The following UNC13B variants were observed in gnomAD, a reference collection of about 807,000 sequenced individuals.
UNC13B encodes the protein protein unc-13 homolog B.
A neutral mutation model predicts 211.0 loss-of-function variants in UNC13B; 144 were observed. The observed-to-expected ratio is 0.68, with a 90% CI of 0.60 to 0.78. The LOEUF (loss-of-function observed/expected upper bound fraction) is 0.78, where lower values mean the gene tolerates loss of function less well. Among genes scored for constraint, UNC13B ranks in the 30% least tolerant of loss-of-function variants. The pLI is 0.00. For synonymous variants in UNC13B, 709 were observed against 725.8 expected, an observed-to-expected ratio of 0.98 and a Z score of 0.37; for missense variants, 1,777 against 2,002.0, an observed-to-expected ratio of 0.89 and a Z score of 2.14.
At chr9:35,365,655 C>T (rs144194506) in intron 11 of UNC13B, among the ~76,000 whole-genome samples, 1 of 152,140 alleles carries the variant, frequency 6.6e-6, no homozygotes, top group Non-Finnish European at 1.5e-5. Flanking sequence ...TTCCCACCTA[C>T]TGTTGTTTCT....
Position 35,386,213 on chromosome 9 carries a change from T to A in UNC13B, c.11014T>A (p.Cys3672Ser), listed in dbSNP as rs940141192. Residue 3672 changes from cysteine (C) to serine (S), a missense_variant, in exon 24 of 40, where the codon TGT (cysteine) becomes AGT (serine). By Grantham distance (112) the Cys-to-Ser change is moderately radical. Transcript: ENST00000635942. ...AAGAGCCAGCCAGGTGGTAAAGGAT[T>A]GTGTGAAGGCCTGTTTGAACTCCAC... ...PPRASQVVKD[C>S]VKACLNSTYE... The A allele has an allele frequency of 1.2e-6, 2 of 1,614,030 alleles. No homozygotes were observed. The highest frequency in any genetic ancestry group is 2.7e-5 in the African/African-American group (2 of 74,914).
chr9:35,213,875 C>A (rs1824107849), intron 1 of UNC13B, among the ~76,000 whole-genome samples: 1 of 152,056 alleles, frequency 6.6e-6, no homozygotes, highest in South Asian at 2.1e-4. Context: ...CAGTCCAAAG[C>A]TAGAAAACAA....
intron 1 of UNC13B, among the ~76,000 whole-genome samples, chr9:35,173,910 A>T (rs940096379): frequency 2.6e-5 from 4 of 152,154 alleles, no homozygotes; most frequent in African/African-American, 9.7e-5. Flanking sequence ...ATTAAACCTT[A>T]ATTTCCACAT....
chr9:35,230,983 A>G (rs1460638650), intron 2 of UNC13B, 137 bp from the exon 3 acceptor site: 23 of 554,374 alleles, frequency 4.1e-5, no homozygotes, highest in Non-Finnish European at 6.7e-5. Flanking sequence ...GAATGAGGCT[A>G]TGTTGTACAA....
chr9:35,165,944 A>C (rs1016032409), intron 1 of UNC13B, among the ~76,000 whole-genome samples: 4 of 152,182 alleles, frequency 2.6e-5, no homozygotes, highest in African/African-American at 9.6e-5. Flanking sequence ...ATTCACGACC[A>C]AGTTTCTCCA....
At chr9:35,396,704 T>G in intron 27 of UNC13B, 102 bp downstream of exon 27, 2 of 1,597,242 alleles carry the variant, frequency 1.3e-6, no homozygotes, top group South Asian at 1.1e-5. Context: ...GGACTGCCTG[T>G]TCAGGTACCA....
intron 6 of UNC13B, among the ~76,000 whole-genome samples, chr9:35,256,318 C>T (rs556470908): frequency 7.9e-5 from 12 of 152,012 alleles, no homozygotes; most frequent in Non-Finnish European, 5.9e-5. Context: ...TTTTCTCAGA[C>T]TTTTCTTGTT....
In UNC13B at chr9:35,386,267, G is replaced by A. The variant is rs765594370; in HGVS notation, c.11068G>A (p.Asp3690Asn). Reference protein sequence around the residue: ...TYEYIFNNCHDLYSRQYQLKQ... With the variant: ...TYEYIFNNCHNLYSRQYQLKQ... ...TGAATATATCTTCAACAACTGCCAC[G>A]ACTTATACAGCCGCCAGTACCAGCT... is the stretch of plus-strand genomic sequence containing the variant. Residue 3690 changes from aspartate to asparagine, a missense_variant, in exon 24 of 40, where the codon GAC (aspartate) becomes AAC (asparagine). Physicochemically the swap from Asp to Asn is conservative, Grantham distance 23. Transcript: ENST00000635942. 10 of 1,614,060 alleles carry A rather than the reference G, an allele frequency of 6.2e-6. No homozygotes were observed. The highest frequency in any genetic ancestry group is 7.6e-6 in the Non-Finnish European group (9 of 1,179,978).
chr9:35,199,233 G>A (rs1195714314), intron 1 of UNC13B, among the ~76,000 whole-genome samples: 4 of 152,006 alleles, frequency 2.6e-5, no homozygotes, highest in Non-Finnish European at 4.4e-5. Flanking sequence ...TTCTTAATCC[G>A]ATCTATCACT....
At chr9:35,387,684 C>T (rs1835273615) in intron 24 of UNC13B, among the ~76,000 whole-genome samples, 1 of 152,128 alleles carries the variant, frequency 6.6e-6, no homozygotes, top group Non-Finnish European at 1.5e-5. Context: ...GGCATAAACT[C>T]TTGATGTCTT....
chr9:35,270,700 C>T (rs1030818564), intron 7 of UNC13B, among the ~76,000 whole-genome samples: 6 of 151,948 alleles, frequency 3.9e-5, no homozygotes, highest in Non-Finnish European at 8.8e-5. Flanking sequence ...TTCAAATATC[C>T]CCAGTTTTCC....
At chr9:35,233,975 T>TTC (rs1825352760) in intron 3 of UNC13B, among the ~76,000 whole-genome samples, 1 of 152,138 alleles carries the variant, frequency 6.6e-6, no homozygotes, top group Admixed American at 6.6e-5. Flanking sequence ...CCCTAGAGAG[T>TTC]TCTCTGAAGA....
chr9:35,281,986 CA>C (rs1227052281), intron 7 of UNC13B, among the ~76,000 whole-genome samples: 1 of 152,152 alleles, frequency 6.6e-6, no homozygotes, highest in Non-Finnish European at 1.5e-5. Flanking sequence ...ACTCATATCA[CA>C]AAGGGCTTGA....
At chr9:35,345,114 A>G (rs554811193) in intron 11 of UNC13B, among the ~76,000 whole-genome samples, 2 of 152,312 alleles carry the variant, frequency 1.3e-5, no homozygotes, top group South Asian at 2.1e-4. Context: ...CAGTGAGTAG[A>G]TTCTCCTGCA....
rs1335964978 is a variant in UNC13B, at chr9:35,375,966, C to G, written c.9616-62C>G. On this transcript the variant is annotated intron_variant, in intron 14 of 39. Coordinates refer to ENST00000635942, the MANE Select transcript of UNC13B (RefSeq NM_001371189.2). The stretch of plus-strand genomic sequence containing the variant: ...CTGCACTCCAGCCTGGGCAACAGAG[C>G]AAGACTCTGTCTCAAAACAAACAAA... 12 of 1,539,868 alleles carry G rather than the reference C, an allele frequency of 7.8e-6. No homozygotes were observed. In the Admixed American group the frequency reaches 1.7e-4, roughly 21 times the overall value.
intron 13 of UNC13B, among the ~76,000 whole-genome samples, chr9:35,371,193 C>G (rs60744888): frequency 0.081 from 12,355 of 151,954 alleles, 1,700 homozygotes; most frequent in African/African-American, 0.28. Flanking sequence ...CCTAACCACC[C>G]CTCTTCCCTC....
At chr9:35,313,739 G>C (rs939313005) in intron 10 of UNC13B, among the ~76,000 whole-genome samples, 160 bp from the exon 11 acceptor site, 6 of 152,148 alleles carry the variant, frequency 3.9e-5, no homozygotes, top group Non-Finnish European at 8.8e-5. Flanking sequence ...TTTCACATTG[G>C]ATATTCAAGT....
chr9:35,174,146 C>G (rs1821483424), intron 1 of UNC13B, among the ~76,000 whole-genome samples: 1 of 151,814 alleles, frequency 6.6e-6, no homozygotes, highest in African/African-American at 2.4e-5. Context: ...CTCTCTCTCT[C>G]TCTTTTTTTG....
At position 35,390,493 on chromosome 9, in the gene UNC13B, A is replaced by T. The variant is rs1410677532; in HGVS notation, c.11223-136A>T. The T allele has an allele frequency of 3.1e-6, 3 of 963,884 alleles. No individual in the cohort carries two copies. The African/African-American group carries it at 5.0e-5, about 16-fold the overall frequency. 59.7% of individuals were successfully genotyped at this position (963,884 alleles called of 1,614,324 possible). ...TGGCCCCTGGGCCCCTTTTCTCCAG[A>T]TTGGACCTAGCCCTGTTCCCTAAGC... On this transcript the variant is annotated intron_variant, in intron 25 of 39. Coordinates refer to ENST00000635942, the MANE Select transcript of UNC13B (RefSeq NM_001371189.2).
Sources: gnomAD v4.1 joint callset for allele counts (sites outside exome capture counted in the v4.1 genomes callset) on GRCh38, gnomAD v4.1.1 for gene constraint, MANE v1.5 for transcripts, NCBI Gene and HGNC (gene_info 2026-07-23, HGNC 2026-07-21) for gene names.